The following OC90 variants were observed in gnomAD, a reference collection of about 807,000 sequenced individuals.
OC90 encodes the protein otoconin 90.
A neutral mutation model predicts 47.3 loss-of-function variants in OC90; 46 were observed. The ratio of observed to expected loss-of-function variants is 0.97; its 90% confidence interval spans 0.77 to 1.24. The LOEUF (loss-of-function observed/expected upper bound fraction) is 1.24. Ranked by LOEUF, OC90 falls within the 50% of genes most tolerant of loss-of-function variation. OC90 has a pLI of 0.00. For synonymous variants in OC90, 271 were observed against 219.5 expected (o/e 1.23, Z -2.07); for missense variants, 688 against 583.9 (o/e 1.18, Z -1.84).
chr8:132,057,305 T>C (rs1823290163), intron 1 of OC90, among the ~76,000 whole-genome samples: 4 of 152,084 alleles, frequency 2.6e-5, no homozygotes, highest in Admixed American at 2.6e-4. Flanking sequence ...GGATCTCTGT[T>C]TTTCTTTTGT....
chr8:132,051,583 G>A (rs1214800773), intron 2 of OC90, among the ~76,000 whole-genome samples: 5 of 152,228 alleles, frequency 3.3e-5, no homozygotes, highest in African/African-American at 1.2e-4. Context: ...TCTGTAGAAT[G>A]GGGCTATTTG....
chr8:132,031,844 C>A, intron 12 of OC90, 37 bp downstream of exon 12: 2 of 1,590,794 alleles, frequency 1.3e-6, no homozygotes, highest in Non-Finnish European at 1.7e-6. Context: ...AGCATCAGCA[C>A]TACTACACCA....
chr8:132,056,685 T>G (rs1823283498), intron 1 of OC90, among the ~76,000 whole-genome samples: 1 of 152,012 alleles, frequency 6.6e-6, no homozygotes, highest in Non-Finnish European at 1.5e-5. Context: ...AGGCTGAAAA[T>G]TAAGGGGGAG....
At chr8:132,050,967 C>T (rs1823205201) in intron 2 of OC90, among the ~76,000 whole-genome samples, 1 of 152,132 alleles carries the variant, frequency 6.6e-6, no homozygotes, top group Non-Finnish European at 1.5e-5. Context: ...GCACTCCAAC[C>T]TGGGCAACAA....
At chr8:132,041,726 TA>T in intron 4 of OC90, 27 bp from the exon 5 acceptor site, 1 of 1,455,474 alleles carries the variant, frequency 6.9e-7, no homozygotes, top group Non-Finnish European at 9.6e-7. Flanking sequence ...CAGGGCCTGA[TA>T]AGCACTGGGA....
intron 9 of OC90, chr8:132,036,493 G>C: frequency 1.3e-6 from 1 of 774,836 alleles, no homozygotes; most frequent in Non-Finnish European, 2.4e-6. Context: ...AACAGATTTG[G>C]GGGCTGAGGA....
At chr8:132,028,651 G>T (rs373425809) in intron 13 of OC90, among the ~76,000 whole-genome samples, 1 of 122,138 alleles carries the variant, frequency 8.2e-6, no homozygotes, top group African/African-American at 3.4e-5. Context: ...AGGAAGGAAG[G>T]AAGAAAGAAA....
chr8:132,054,714 C>T (rs1372099986), intron 2 of OC90, among the ~76,000 whole-genome samples: 1 of 152,078 alleles, frequency 6.6e-6, no homozygotes, highest in East Asian at 1.9e-4. Context: ...TTGGGATGTA[C>T]CAAAAATGTT....
chr8:132,032,963 G>A (rs1822897839), intron 11 of OC90, 76 bp downstream of exon 11: 2 of 1,495,944 alleles, frequency 1.3e-6, no homozygotes, highest in East Asian at 2.4e-5. Flanking sequence ...AGTGTGAAAA[G>A]GTGGCCTACG....
intron 12 of OC90, among the ~76,000 whole-genome samples, chr8:132,030,887 C>G (rs1330077269): frequency 3.9e-5 from 6 of 152,180 alleles, no homozygotes; most frequent in African/African-American, 1.4e-4. Context: ...TGACATACTC[C>G]ATATTCCTGC....
intron 13 of OC90, among the ~76,000 whole-genome samples, chr8:132,025,995 A>G (rs1361262783): frequency 1.3e-5 from 2 of 152,254 alleles, no homozygotes; most frequent in African/African-American, 4.8e-5. Context: ...TCATATTACC[A>G]GATAAAATAT....
rs758589602 is a variant in OC90, at chr8:132,041,675, C to T, written c.194G>A (p.Trp65Ter). The change falls in exon 5 of 14, where the codon TGG becomes TAG. Residue 65 changes from tryptophan to a stop codon, truncating the protein, a stop_gained. Coordinates refer to ENST00000254627, the MANE Select transcript of OC90 (RefSeq NM_001080399.3). LOFTEE classifies it high-confidence loss of function. ...IFDCLGPHFT[W>*]LQAVFTNFPV... ...GAAATTGGTGAAGACAGCCTGCAGC[C>T]AGGTGAAGTGGGGGCCCAGGCAATC... 1.9e-6 allele frequency: 3 copies of T among 1,565,914 alleles called. No individual in the cohort carries two copies. The highest frequency in any genetic ancestry group is 2.6e-6 in the Non-Finnish European group (3 of 1,154,558).
chr8:132,046,921 C>T (rs958994319), intron 2 of OC90, among the ~76,000 whole-genome samples: 15 of 152,180 alleles, frequency 9.9e-5, no homozygotes, highest in African/African-American at 3.6e-4. Context: ...GCAGGTTTCT[C>T]AGCTTCACAT....
At chr8:132,053,862 G>A (rs907665325) in intron 2 of OC90, among the ~76,000 whole-genome samples, 4 of 152,198 alleles carry the variant, frequency 2.6e-5, no homozygotes, top group Non-Finnish European at 5.9e-5. Flanking sequence ...AGGCAGCTCC[G>A]AGTGAGAGTA....
At chr8:132,027,438 G>T (rs1353369952) in intron 13 of OC90, among the ~76,000 whole-genome samples, 1 of 152,204 alleles carries the variant, frequency 6.6e-6, no homozygotes, top group Non-Finnish European at 1.5e-5. Context: ...CTGTGCTGAG[G>T]TTGTGTAGAG....
In OC90 at chr8:132,042,776, G is replaced by A. The variant is rs150684352; in HGVS notation, c.170-1077C>T. ...AAAAAATCAAAAAACAACAGATGGC[G>A]AGGCTGCAAAGAAAAGGGATTGCTT... is the stretch of plus-strand genomic sequence containing the variant. On this transcript the variant is annotated intron_variant, in intron 4 of 13. Transcript: ENST00000254627. Among the ~76,000 whole-genome samples, 134 of 152,258 alleles carry A rather than the reference G, an allele frequency of 8.8e-4. 1 individual carries two copies. Among genetic ancestry groups the A allele is most frequent in the Non-Finnish European group, 1.5e-3 (101 of 68,018 alleles).
Position 132,039,056 on chromosome 8 carries a change from T to C in OC90, c.525A>G (p.Arg175=). 1.2e-6 allele frequency: 2 copies of C among 1,613,856 alleles called. No individual in the cohort carries two copies. Among genetic ancestry groups the C allele is most frequent in the African/African-American group, 2.7e-5 (2 of 75,016 alleles). ...GGTTCAGGGAAGAGTTGAGGCTGGA[T>C]CGAGCCAAGCACTCTATGGCAGCCT... The part of the protein sequence containing the change: ...CDKAAIECLA[R]SSLNSSLNLL... The change falls in exon 7 of 14, where the codon CGA becomes CGG. Residue 175 remains arginine, a synonymous_variant. Coordinates refer to ENST00000254627, the MANE Select transcript of OC90 (RefSeq NM_001080399.3).
At chr8:132,047,000 T>C (rs944880537) in intron 2 of OC90, among the ~76,000 whole-genome samples, 1 of 152,236 alleles carries the variant, frequency 6.6e-6, no homozygotes, top group African/African-American at 2.4e-5. Context: ...TTTAGCAAGA[T>C]TGTTCTGTGT....
chr8:132,043,492 G>A (rs184911129), intron 4 of OC90, among the ~76,000 whole-genome samples: 13 of 152,266 alleles, frequency 8.5e-5, no homozygotes, highest in Admixed American at 3.3e-4. Flanking sequence ...TCTAAATCTC[G>A]CATTCTCCTC....
Sources: allele counts gnomAD v4.1 joint callset (sites outside exome capture counted in the v4.1 genomes callset), GRCh38; gene constraint gnomAD v4.1.1; transcripts MANE v1.5; gene names NCBI Gene and HGNC (gene_info 2026-07-23, HGNC 2026-07-21).